Variants in DAAM1 observed in about 807,000 individuals in gnomAD.
The protein encoded by DAAM1 is disheveled-associated activator of morphogenesis 1.
A neutral mutation model predicts 130.0 loss-of-function variants in DAAM1; 52 were observed. That is an observed-to-expected ratio of 0.40 (90% CI 0.32 to 0.50). DAAM1 has a LOEUF of 0.50. Among genes scored for constraint, DAAM1 ranks in the 20% least tolerant of loss-of-function variants. The probability of loss-of-function intolerance (pLI) is 0.61; values close to 1 mark genes in which losing one functional copy is unlikely to be tolerated. For missense variants in DAAM1, 1,134 were observed against 1,303.8 expected (o/e 0.87, Z 2.01); for synonymous variants, 452 against 444.5 (o/e 1.02, Z -0.21).
At chr14:59,324,294 G>T in intron 7 of DAAM1, 56 bp downstream of exon 7, 1 of 1,416,986 alleles carries the variant, frequency 7.1e-7, no homozygotes. Flanking sequence ...TATAAAAAGT[G>T]ATTATTATGT....
At chr14:59,190,351 C>A (rs545325576) in intron 1 of DAAM1, among the ~76,000 whole-genome samples, 24 of 152,280 alleles carry the variant, frequency 1.6e-4, no homozygotes, top group African/African-American at 5.8e-4. Flanking sequence ...TCTCTTCCCC[C>A]TTTCGGGCTA....
chr14:59,293,832 T>A (rs946104110), intron 3 of DAAM1, among the ~76,000 whole-genome samples: 3 of 152,188 alleles, frequency 2.0e-5, no homozygotes, highest in African/African-American at 7.2e-5. Flanking sequence ...GAGGAGGATA[T>A]TATGTTTACC....
chr14:59,343,201 T>A (rs1885920626), intron 16 of DAAM1, among the ~76,000 whole-genome samples: 1 of 152,156 alleles, frequency 6.6e-6, no homozygotes, highest in Admixed American at 6.5e-5. Flanking sequence ...TGCCTTTTGT[T>A]CAGTAGGAGG....
chr14:59,192,474 C>G (rs1428159643), intron 1 of DAAM1, among the ~76,000 whole-genome samples: 3 of 152,120 alleles, frequency 2.0e-5, no homozygotes, highest in Non-Finnish European at 4.4e-5. Context: ...TGCTGTGGGG[C>G]CCTCCCTGGC....
intron 17 of DAAM1, 117 bp downstream of exon 17, chr14:59,347,740 G>A: frequency 1.0e-6 from 1 of 968,624 alleles, no homozygotes. Flanking sequence ...GAATTGAGGA[G>A]GCTGAACCAA....
chr14:59,321,058 G>A (rs1416937910), intron 5 of DAAM1, among the ~76,000 whole-genome samples: 7 of 152,048 alleles, frequency 4.6e-5, no homozygotes, highest in African/African-American at 9.7e-5. Flanking sequence ...AAAATAACCC[G>A]TATATTGATC....
At chr14:59,245,151 C>T (rs1380599121) in intron 1 of DAAM1, among the ~76,000 whole-genome samples, 1 of 152,166 alleles carries the variant, frequency 6.6e-6, no homozygotes, top group Non-Finnish European at 1.5e-5. Context: ...GGATCAAATG[C>T]ATCCTTCAAA....
chr14:59,352,581 A>T lies in DAAM1; in HGVS notation c.2216A>T (p.His739Leu). Residue 739 changes from histidine (H) to leucine (L), a missense_variant, in exon 18 of 25, where the codon CAC (histidine) becomes CTC (leucine). Physicochemically the swap from His to Leu is moderately conservative, Grantham distance 99. Around this residue, in one of 3 missense-constraint regions of DAAM1, gnomAD observed 644 missense variants for 695.9 expected, o/e 0.93. Coordinates refer to ENST00000360909, the MANE Select transcript of DAAM1 (RefSeq NM_001270520.2). ...SDIDLLEEHK[H>L]ELDRMAKADR... ...ATTGACCTATTGGAGGAACATAAAC[A>T]CGAACTGGATCGGATGGCCAAGGCT... The T allele has an allele frequency of 6.2e-7, 1 of 1,613,712 alleles. No individual in the cohort carries two copies. Among genetic ancestry groups the T allele is most frequent in the African/African-American group, 1.3e-5 (1 of 75,050 alleles).
intron 1 of DAAM1, among the ~76,000 whole-genome samples, chr14:59,258,955 C>T (rs192275504): frequency 1.1e-3 from 165 of 152,216 alleles, no homozygotes; most frequent in African/African-American, 3.6e-3. Context: ...TACCCATCTC[C>T]GAAACTAGCC....
intron 1 of DAAM1, among the ~76,000 whole-genome samples, 164 bp downstream of exon 1, chr14:59,188,932 C>T (rs1051584235): frequency 1.3e-5 from 2 of 152,166 alleles, no homozygotes; most frequent in Admixed American, 6.5e-5. Flanking sequence ...TTAAACCCGT[C>T]CTTCAGGTTG....
chr14:59,353,133 G>A (rs1027453601), intron 18 of DAAM1, among the ~76,000 whole-genome samples: 6 of 152,112 alleles, frequency 3.9e-5, no homozygotes, highest in Admixed American at 3.3e-4. Flanking sequence ...CTCTTCCCAC[G>A]GAGCCTTGGC....
chr14:59,344,754 C>A (rs917608193), intron 16 of DAAM1, among the ~76,000 whole-genome samples: 1 of 152,106 alleles, frequency 6.6e-6, no homozygotes, highest in Non-Finnish European at 1.5e-5. Flanking sequence ...GGTTGAGGAG[C>A]ATAAATATAT....
At position 59,325,741 on chromosome 14, in the gene DAAM1, T is replaced by G. The variant is rs368758234; in HGVS notation, c.1056+11T>G. The G allele has an allele frequency of 7.4e-6, 12 of 1,613,194 alleles. No homozygotes were observed. In the African/African-American group the frequency reaches 1.6e-4, roughly 22 times the overall value. The stretch of plus-strand genomic sequence containing the variant: ...AAAAGATTTGAACTGGTACGTATGC[T>G]TACAATTATTCTGGTTTGATTCATC... On this transcript the variant is annotated intron_variant, in intron 9 of 24. Transcript: ENST00000360909.
At chr14:59,270,436 G>A (rs898185859) in intron 2 of DAAM1, among the ~76,000 whole-genome samples, 7 of 152,128 alleles carry the variant, frequency 4.6e-5, no homozygotes, top group African/African-American at 1.7e-4. Flanking sequence ...AACTAATGGA[G>A]CTAGAACTCA....
intron 1 of DAAM1, among the ~76,000 whole-genome samples, chr14:59,259,912 C>T (rs936505442): frequency 2.0e-5 from 3 of 152,054 alleles, no homozygotes; most frequent in East Asian, 1.9e-4. Context: ...GATGTGGTGG[C>T]GGGCGTCTAT....
chr14:59,283,867 G>A (rs535163796), intron 2 of DAAM1, among the ~76,000 whole-genome samples: 7 of 152,232 alleles, frequency 4.6e-5, no homozygotes, highest in East Asian at 1.9e-4. Flanking sequence ...AAGACAGGCC[G>A]ATGAGTGGAG....
chr14:59,205,233 G>C (rs1457011445), intron 1 of DAAM1, among the ~76,000 whole-genome samples: 2 of 152,140 alleles, frequency 1.3e-5, no homozygotes, highest in Non-Finnish European at 2.9e-5. Flanking sequence ...GGTCACTAGA[G>C]GTAGAAAAAC....
At chr14:59,316,941 T>A (rs1884816441) in intron 4 of DAAM1, among the ~76,000 whole-genome samples, 2 of 152,240 alleles carry the variant, frequency 1.3e-5, no homozygotes, top group African/African-American at 4.8e-5. Flanking sequence ...ATTTGTCCTT[T>A]AGTGACTTAA....
chr14:59,251,169 A>G (rs1881622636), intron 1 of DAAM1, among the ~76,000 whole-genome samples: 2 of 152,176 alleles, frequency 1.3e-5, no homozygotes, highest in Admixed American at 1.3e-4. Flanking sequence ...AAGTTAGGAA[A>G]CCTGTTTTCT....
Sources: gnomAD v4.1 joint callset for allele counts (sites outside exome capture counted in the v4.1 genomes callset) on GRCh38, gnomAD v4.1.1 for gene constraint, gnomAD v4.1.1 regional missense constraint, MANE v1.5 for transcripts, NCBI Gene and HGNC (gene_info 2026-07-23, HGNC 2026-07-21) for gene names.